Variants in FTO observed in about 807,000 individuals in gnomAD.
FTO encodes alpha-ketoglutarate-dependent dioxygenase FTO.
Under a neutral mutation model 63.9 loss-of-function variants are expected in FTO, and 47 were observed. That is an observed-to-expected ratio of 0.74 (90% confidence interval 0.58 to 0.94). FTO has a LOEUF of 0.94. FTO is among the 40% of genes least tolerant of loss of function. The pLI is 0.00. For missense variants in FTO, 562 were observed against 618.1 expected (o/e 0.91, Z 0.96); for synonymous variants, 207 against 224.4 (o/e 0.92, Z 0.69).
intron 7 of FTO, among the ~76,000 whole-genome samples, chr16:53,915,490 A>G (rs769283549): frequency 1.1e-4 from 17 of 152,198 alleles, no homozygotes; most frequent in Non-Finnish European, 2.5e-4. Context: ...GGAAAGGAGG[A>G]TGTTTTATTT....
At chr16:53,930,675 T>C (rs1413329503) in intron 7 of FTO, among the ~76,000 whole-genome samples, 1 of 152,208 alleles carries the variant, frequency 6.6e-6, no homozygotes, top group Non-Finnish European at 1.5e-5. Context: ...AAATATTAAA[T>C]ACTGTATTAC....
intron 8 of FTO, among the ~76,000 whole-genome samples, chr16:53,938,551 T>A (rs1195346700): frequency 6.6e-6 from 1 of 152,234 alleles, no homozygotes; most frequent in Non-Finnish European, 1.5e-5. Flanking sequence ...TCAGTGAGCA[T>A]CTTTTTGTGT....
chr16:53,898,304 G>A lies in FTO; in HGVS notation c.1239+9353G>A, dbSNP rs568910073. Among the ~76,000 whole-genome samples the A allele has an allele frequency of 2.0e-5, 3 of 152,206 alleles. No individual in the cohort carries two copies. The South Asian group carries it at 6.2e-4, about 32-fold the overall frequency. On this transcript the variant is annotated intron_variant, in intron 7 of 8. Transcript: ENST00000471389. ...TTGCATGTGCCGCTGCCTTTGTCTG[G>A]AATGTCTGTCCTTCTGTAATTTACA...
chr16:53,707,598 T>C lies in FTO; in HGVS notation c.45+3369T>C, dbSNP rs994505312. Among the ~76,000 whole-genome samples the C allele has an allele frequency of 2.0e-5, 3 of 152,222 alleles. 1 individual carries two copies. Among genetic ancestry groups the C allele is most frequent in the African/African-American group, 7.2e-5 (3 of 41,458 alleles). Reference sequence around the variant, plus strand: ...GAGAGTTCTACTTGTTTCATATCTTTTCATCGCTTGTCAGTCTTTTACATT... The same window carrying C: ...GAGAGTTCTACTTGTTTCATATCTTCTCATCGCTTGTCAGTCTTTTACATT... On this transcript the variant is annotated intron_variant, in intron 1 of 8. Coordinates refer to ENST00000471389, the MANE Select transcript of FTO (RefSeq NM_001080432.3).
intron 8 of FTO, among the ~76,000 whole-genome samples, chr16:54,097,272 C>G (rs2540772): frequency 6.6e-6 from 1 of 151,776 alleles, no homozygotes; most frequent in Non-Finnish European, 1.5e-5. Context: ...CAGACCAGTG[C>G]TCTCCCTACT....
intron 8 of FTO, among the ~76,000 whole-genome samples, chr16:54,050,786 C>T (rs2085292744): frequency 6.6e-6 from 1 of 152,138 alleles, no homozygotes; most frequent in African/African-American, 2.4e-5. Flanking sequence ...AGTTTTTCCC[C>T]CTTTAAAGCT....
chr16:53,919,446 C>T (rs1304348872), intron 7 of FTO, among the ~76,000 whole-genome samples: 1 of 152,054 alleles, frequency 6.6e-6, no homozygotes, highest in African/African-American at 2.4e-5. Context: ...GTAGAACTAC[C>T]ATTTGATCCA....
rs908955140 is a variant in FTO at position 53,730,316 on chromosome 16, C to CT, written c.45+26096dup. On this transcript the variant is annotated intron_variant, in intron 1 of 8. Transcript: ENST00000471389. ...TAGCTTCAGATAAACTTTTATGTTGCTTTTTTTTTCTATAATCCAACATGT... is the reference window on the plus strand; with the variant it reads ...TAGCTTCAGATAAACTTTTATGTTGCTTTTTTTTTTCTATAATCCAACATGT... Among the ~76,000 whole-genome samples the CT allele has an allele frequency of 7.3e-5, 11 of 151,064 alleles. 1 individual carries two copies. Among genetic ancestry groups the CT allele is most frequent in the South Asian group, 6.3e-4 (3 of 4,762 alleles).
rs143661955 is a variant in FTO at position 53,859,262 on chromosome 16, T to C, written c.896-14524T>C. Among the ~76,000 whole-genome samples, 735 of 152,212 alleles carry C rather than the reference T, an allele frequency of 4.8e-3. 4 individuals are homozygous for C. Among genetic ancestry groups the C allele is most frequent in the Middle Eastern group, 0.024 (7 of 294 alleles). Reference sequence around the variant, plus strand: ...AGAAGAAGCCACTTCAACCTCCAATTTCTGTTTCTATGTCTTCTGACCTCC... The same window carrying C: ...AGAAGAAGCCACTTCAACCTCCAATCTCTGTTTCTATGTCTTCTGACCTCC... On this transcript the variant is annotated intron_variant, in intron 4 of 8. Transcript: ENST00000471389.
intron 8 of FTO, among the ~76,000 whole-genome samples, chr16:54,059,183 G>A (rs756415396): frequency 2.0e-5 from 3 of 152,172 alleles, no homozygotes; most frequent in Non-Finnish European, 2.9e-5. Context: ...AAGGAAGCTC[G>A]ATTTACCTTG....
In FTO at chr16:54,112,237, T is replaced by C. The variant is rs547454082; in HGVS notation, c.*322T>C. The C allele has an allele frequency of 1.2e-3, 434 of 376,228 alleles. No homozygotes were observed. Among genetic ancestry groups the C allele is most frequent in the Middle Eastern group, 1.8e-3 (2 of 1,110 alleles). The allele number at this position is 376,228 out of a possible 1,614,324, so 23.3% of individuals were successfully genotyped here. On this transcript the variant is annotated 3_prime_UTR_variant, in exon 9 of 9. Transcript: ENST00000471389. ...GCGTGTGACAAAGCCTAACCTACTT[T>C]CCTCTTTCCCAAGCTTTTTCAGAGA... is the stretch of plus-strand genomic sequence containing the variant.
At chr16:53,988,283 C>T (rs2083719939) in intron 8 of FTO, among the ~76,000 whole-genome samples, 1 of 152,134 alleles carries the variant, frequency 6.6e-6, no homozygotes, top group African/African-American at 2.4e-5. Context: ...CTTTCTACTA[C>T]TTGGTGACCT....
chr16:53,844,898 T>G (rs1165267550), intron 4 of FTO, among the ~76,000 whole-genome samples: 1 of 147,854 alleles, frequency 6.8e-6, no homozygotes, highest in African/African-American at 2.5e-5. Flanking sequence ...CCGTATTAGT[T>G]TTTAGTAGTG....
chr16:53,901,698 G>A (rs1256385583), intron 7 of FTO, among the ~76,000 whole-genome samples: 3 of 152,122 alleles, frequency 2.0e-5, no homozygotes, highest in Non-Finnish European at 4.4e-5. Context: ...AATGGCCGTT[G>A]TTCACTCTGG....
chr16:53,818,807 G>A (rs1444490296), intron 2 of FTO, among the ~76,000 whole-genome samples: 1 of 151,958 alleles, frequency 6.6e-6, no homozygotes, highest in South Asian at 2.1e-4. Flanking sequence ...ATTCCATCAC[G>A]TGGTTGTACC....
At chr16:53,819,150 C>A (rs1337801269) in intron 2 of FTO, among the ~76,000 whole-genome samples, 1 of 152,078 alleles carries the variant, frequency 6.6e-6, no homozygotes, top group East Asian at 1.9e-4. Flanking sequence ...AAGTATAATA[C>A]AAATTATATA....
chr16:53,984,475 C>T (rs2083620634), intron 8 of FTO, among the ~76,000 whole-genome samples: 2 of 151,668 alleles, frequency 1.3e-5, no homozygotes, highest in African/African-American at 2.4e-5. Flanking sequence ...GCGCCCACCA[C>T]GATACCTGAC....
chr16:53,724,798 C>G (rs535803637), intron 1 of FTO, among the ~76,000 whole-genome samples: 47 of 152,240 alleles, frequency 3.1e-4, no homozygotes, highest in Admixed American at 1.4e-3. Context: ...GAGTCGGAAG[C>G]CCCGAGGAAG....
At chr16:53,797,515 G>T (rs952942937) in intron 1 of FTO, among the ~76,000 whole-genome samples, 2 of 152,044 alleles carry the variant, frequency 1.3e-5, no homozygotes, top group African/African-American at 4.8e-5. Flanking sequence ...TTGCTGATTG[G>T]TGAGTTATTA....
Sources: allele counts gnomAD v4.1 joint callset (sites outside exome capture counted in the v4.1 genomes callset), GRCh38; gene constraint gnomAD v4.1.1; transcripts MANE v1.5; gene names NCBI Gene and HGNC (gene_info 2026-07-23, HGNC 2026-07-21).